The following FARP1 variants were observed in gnomAD, a reference collection of about 807,000 sequenced individuals.
The protein encoded by FARP1 is FERM, ARHGEF and pleckstrin domain-containing protein 1.
FARP1 carries 52 observed loss-of-function variants against 128.8 expected under a neutral mutation model. The ratio of observed to expected loss-of-function variants is 0.40; its 90% CI spans 0.32 to 0.51. The LOEUF is 0.51. FARP1 is among the 20% of genes least tolerant of loss of function. The probability of loss-of-function intolerance (pLI) is 0.45; values close to 1 mark genes in which losing one functional copy is unlikely to be tolerated. For synonymous variants in FARP1, 580 were observed against 551.8 expected (o/e 1.05, Z -0.72); for missense variants, 1,333 against 1,367.9 (o/e 0.97, Z 0.40).
intron 2 of FARP1, among the ~76,000 whole-genome samples, chr13:98,319,692 C>G (rs1249952737): frequency 1.3e-5 from 2 of 152,194 alleles, no homozygotes; most frequent in African/African-American, 2.4e-5. Context: ...AATATAAACC[C>G]ACAGTAGAGC....
chr13:98,231,784 T>C (rs1428210303), intron 2 of FARP1, among the ~76,000 whole-genome samples: 1 of 152,212 alleles, frequency 6.6e-6, no homozygotes, highest in Non-Finnish European at 1.5e-5. Context: ...TTTTTCCTCA[T>C]AGAGAATAAA....
intron 3 of FARP1, among the ~76,000 whole-genome samples, chr13:98,356,534 ATTG>A (rs1004595535): frequency 6.6e-5 from 10 of 152,152 alleles, no homozygotes; most frequent in African/African-American, 2.4e-4. Flanking sequence ...GTATTTTAAA[ATTG>A]TTATTAAGTG....
intron 2 of FARP1, among the ~76,000 whole-genome samples, chr13:98,321,283 G>A (rs184252538): frequency 6.4e-4 from 98 of 152,296 alleles, no homozygotes; most frequent in Non-Finnish European, 1.3e-3. Context: ...GAGTCGTGGA[G>A]AAACTCAGCC....
intron 2 of FARP1, among the ~76,000 whole-genome samples, chr13:98,226,608 A>G (rs1881788361): frequency 6.6e-6 from 1 of 152,088 alleles, no homozygotes; most frequent in African/African-American, 2.4e-5. Context: ...TAGCTGTGTA[A>G]CTCATTTCCC....
intron 2 of FARP1, among the ~76,000 whole-genome samples, chr13:98,279,321 T>C (rs1884820437): frequency 6.6e-6 from 1 of 151,058 alleles, no homozygotes; most frequent in Non-Finnish European, 1.5e-5. Context: ...TCCACATTGA[T>C]TCTCTTCACT....
chr13:98,418,282 G>GTT (rs561100341), intron 16 of FARP1, among the ~76,000 whole-genome samples: 2 of 141,382 alleles, frequency 1.4e-5, no homozygotes, highest in African/African-American at 5.6e-5. Context: ...TTTGTTTTTT[G>GTT]TTTTTTTTTT....
At chr13:98,231,831 T>A (rs777511428) in intron 2 of FARP1, among the ~76,000 whole-genome samples, 1 of 152,206 alleles carries the variant, frequency 6.6e-6, no homozygotes, top group Non-Finnish European at 1.5e-5. Flanking sequence ...GCTTTATTTT[T>A]ATTTAATTTT....
intron 2 of FARP1, among the ~76,000 whole-genome samples, chr13:98,281,161 C>CT (rs1884918142): frequency 6.6e-6 from 1 of 152,152 alleles, no homozygotes; most frequent in African/African-American, 2.4e-5. Context: ...GGAGACTAGC[C>CT]TGGCCAACAT....
At position 98,274,835 on chromosome 13, in the gene FARP1, C is replaced by T. The variant is rs1166175542; in HGVS notation, c.171+61422C>T. ...CCAGTATCCTTCAAGTAAGTGAAAA[C>T]CTCCTTTAATATGTTAGGGTTTTAT... On this transcript the variant is annotated intron_variant, in intron 2 of 26. Transcript: ENST00000319562. 2.6e-5 allele frequency among the ~76,000 whole-genome samples: 4 copies of T among 152,242 alleles called. No homozygotes were observed. The East Asian group carries it at 7.7e-4, about 29-fold the overall frequency.
intron 2 of FARP1, among the ~76,000 whole-genome samples, chr13:98,335,209 A>G (rs1300110883): frequency 2.0e-5 from 3 of 152,194 alleles, no homozygotes; most frequent in Admixed American, 2.0e-4. Context: ...TCATCGACGG[A>G]AGTAGTCCAT....
intron 4 of FARP1, among the ~76,000 whole-genome samples, chr13:98,367,167 G>GATC (rs1889121547): frequency 6.6e-6 from 1 of 151,976 alleles, no homozygotes; most frequent in Non-Finnish European, 1.5e-5. Context: ...TGATGATGAT[G>GATC]ATGATTGAGA....
chr13:98,264,220 C>T (rs1005975902), intron 2 of FARP1, among the ~76,000 whole-genome samples: 1 of 152,208 alleles, frequency 6.6e-6, no homozygotes, highest in African/African-American at 2.4e-5. Context: ...GGCCATACCT[C>T]CTCCCTCAGG....
At chr13:98,148,173 G>T (rs774711557) in intron 1 of FARP1, among the ~76,000 whole-genome samples, 4 of 152,166 alleles carry the variant, frequency 2.6e-5, no homozygotes, top group Admixed American at 6.5e-5. Context: ...GAGGTCAGGA[G>T]TTCAAGACCA....
chr13:98,279,779 C>A (rs1566827521), intron 2 of FARP1, among the ~76,000 whole-genome samples: 1 of 152,152 alleles, frequency 6.6e-6, no homozygotes, highest in South Asian at 2.1e-4. Flanking sequence ...GCTACTGTTA[C>A]TCGTAGAGGC....
At chr13:98,293,154 C>T (rs892686632) in intron 2 of FARP1, among the ~76,000 whole-genome samples, 1 of 151,980 alleles carries the variant, frequency 6.6e-6, no homozygotes, top group African/African-American at 2.4e-5. Flanking sequence ...CTGACATTGC[C>T]CTATTTTCCA....
chr13:98,142,757 A>ACACGTCTCCCGCTCTCCC (rs1482665807), upstream of FARP1: 1 of 152,578 alleles, frequency 6.6e-6, no homozygotes, highest in Non-Finnish European at 1.5e-5. Flanking sequence ...TTCGCCGTGC[A>ACACGTCTCCCGCTCTCCC]CACGTCTCCC....
chr13:98,324,053 T>C (rs1260279240), intron 2 of FARP1, among the ~76,000 whole-genome samples: 2 of 152,258 alleles, frequency 1.3e-5, no homozygotes, highest in Non-Finnish European at 2.9e-5. Context: ...GATTAATATA[T>C]TAAATGCACT....
At chr13:98,417,654 A>C (rs1891438827) in intron 16 of FARP1, among the ~76,000 whole-genome samples, 1 of 152,056 alleles carries the variant, frequency 6.6e-6, no homozygotes, top group Non-Finnish European at 1.5e-5. Flanking sequence ...GGGATTGGAG[A>C]TCCCTCCAGG....
chr13:98,429,568 A>G (rs1566312956), intron 17 of FARP1, among the ~76,000 whole-genome samples: 1 of 152,204 alleles, frequency 6.6e-6, no homozygotes, highest in Non-Finnish European at 1.5e-5. Flanking sequence ...GGGTTCATAC[A>G]AGGAAAGAAT....
Sources: gnomAD v4.1 joint callset for allele counts (sites outside exome capture counted in the v4.1 genomes callset) on GRCh38, gnomAD v4.1.1 for gene constraint, MANE v1.5 for transcripts, NCBI Gene and HGNC (gene_info 2026-07-23, HGNC 2026-07-21) for gene names.